Variants in WBP2NL observed in about 807,000 individuals in gnomAD.
WBP2NL encodes WBP2 N-terminal like.
A neutral mutation model predicts 23.3 loss-of-function variants in WBP2NL; 27 were observed. The ratio of observed to expected loss-of-function variants is 1.16; its 90% CI spans 0.85 to 1.60. The LOEUF is 1.60. WBP2NL is among the 40% of genes most tolerant of loss of function. WBP2NL has a pLI of 0.00. For missense variants in WBP2NL, 370 were observed against 389.5 expected, an observed-to-expected ratio of 0.95 and a Z score of 0.42; for synonymous variants, 151 against 145.9, an observed-to-expected ratio of 1.03 and a Z score of -0.25.
chr22:42,037,052 GTT>G (rs1925207492), downstream of WBP2NL, among the ~76,000 whole-genome samples: 1 of 151,768 alleles, frequency 6.6e-6, no homozygotes, highest in African/African-American at 2.4e-5. Context: ...GAATTTTGCA[GTT>G]TCAAGTTTTA....
At chr22:42,018,232 C>T (rs1569449137) in intron 1 of WBP2NL, among the ~76,000 whole-genome samples, 1 of 147,958 alleles carries the variant, frequency 6.8e-6, no homozygotes, top group East Asian at 2.0e-4. Flanking sequence ...GGAGGATCAC[C>T]TGAGCCCAGG....
intron 5 of WBP2NL, 58 bp from the exon 6 acceptor site, chr22:42,026,708 T>A: frequency 1.3e-6 from 2 of 1,562,518 alleles, no homozygotes; most frequent in Non-Finnish European, 1.7e-6. Context: ...TTCTTCCTTC[T>A]CACATATTCC....
chr22:42,027,048 A>G lies in WBP2NL; in HGVS notation c.797A>G (p.Asn266Ser), dbSNP rs150274468. 324 of 1,614,142 alleles carry G rather than the reference A, an allele frequency of 2.0e-4. No individual in the cohort carries two copies. The East Asian group carries it at 2.1e-3, about 10-fold the overall frequency. The stretch of plus-strand genomic sequence containing the variant: ...GGATATGGAGCCCCACCTGCAGGAA[A>G]TGAAGGCCCGCCTGCGGGATACAGA... Reference protein sequence around the residue: ...PLGYGAPPAGNEGPPAGYRAS... With the variant: ...PLGYGAPPAGSEGPPAGYRAS... Residue 266 changes from asparagine to serine, a missense_variant, in exon 6 of 6, where the codon AAT becomes AGT. By Grantham distance (46) the Asn-to-Ser change is conservative. Coordinates refer to ENST00000328823, the MANE Select transcript of WBP2NL (RefSeq NM_152613.3).
Position 41,998,876 on chromosome 22 carries a change from G to A in WBP2NL, c.58G>A (p.Glu20Lys). 6.2e-7 allele frequency: 1 copy of A among 1,611,034 alleles called. No individual in the cohort carries two copies. Among genetic ancestry groups the A allele is most frequent in the Non-Finnish European group, 8.5e-7 (1 of 1,177,968 alleles). ...NRRGALIPNG[E>K]SLLKRSPNVE... ...CCGCGGAGCCCTCATCCCTAACGGT[G>A]AAAGGTGCCTGAGGGGAAGCACGGC... The change falls in exon 1 of 6, where the codon GAA becomes AAA. Residue 20 changes from glutamate to lysine, a missense_variant. Glu to Lys is a moderately conservative substitution (Grantham distance 56). Coordinates refer to ENST00000328823, the MANE Select transcript of WBP2NL (RefSeq NM_152613.3).
At chr22:42,046,351 T>C (rs1925587020) in intron 8 of WBP2NL, among the ~76,000 whole-genome samples, 1 of 152,174 alleles carries the variant, frequency 6.6e-6, no homozygotes, top group Non-Finnish European at 1.5e-5. Context: ...CCACAGAAAG[T>C]GGTAATTATC....
At chr22:42,056,097 T>C (rs1355022948) in intron 8 of WBP2NL, among the ~76,000 whole-genome samples, 1 of 152,254 alleles carries the variant, frequency 6.6e-6, no homozygotes, top group Non-Finnish European at 1.5e-5. Flanking sequence ...TCTCTTTTGT[T>C]CCACATTTCT....
intron 4 of WBP2NL, among the ~76,000 whole-genome samples, chr22:42,020,807 G>T (rs1457214450): frequency 7.6e-6 from 1 of 130,934 alleles, no homozygotes; most frequent in Non-Finnish European, 1.6e-5. Context: ...ATGTACCACA[G>T]AACTCTTTCA....
chr22:42,019,980 A>T (rs1923730345), intron 3 of WBP2NL, 24 bp from the exon 4 acceptor site: 1 of 1,609,180 alleles, frequency 6.2e-7, no homozygotes, highest in African/African-American at 1.3e-5. Flanking sequence ...TTTCTTGGTG[A>T]GTGTGTGCCA....
intron 2 of WBP2NL, 110 bp from the exon 3 acceptor site, chr22:42,019,552 G>A (rs1923686148): frequency 1.3e-6 from 2 of 1,535,206 alleles, no homozygotes; most frequent in Non-Finnish European, 1.8e-6. Context: ...GAAGGGTGGT[G>A]GAAGAAAAGA....
At chr22:42,001,031 C>A in intron 1 of WBP2NL, 1 of 696,734 alleles carries the variant, frequency 1.4e-6, no homozygotes, top group Non-Finnish European at 2.5e-6. Context: ...TATAATACAA[C>A]ATGCCTGTTC....
At chr22:42,034,563 A>T (rs898760823), downstream of WBP2NL, among the ~76,000 whole-genome samples, 2 of 152,232 alleles carry the variant, frequency 1.3e-5, no homozygotes, top group Non-Finnish European at 2.9e-5. Flanking sequence ...CATTGATAAC[A>T]TCTTATCAGG....
At chr22:42,033,583 G>A (rs1314340261), downstream of WBP2NL, among the ~76,000 whole-genome samples, 1 of 152,156 alleles carries the variant, frequency 6.6e-6, no homozygotes, top group East Asian at 1.9e-4. Flanking sequence ...GAGCTATTGA[G>A]TGACAATAGC....
chr22:42,009,774 A>G (rs888383029), intron 1 of WBP2NL, among the ~76,000 whole-genome samples: 11 of 152,282 alleles, frequency 7.2e-5, no homozygotes, highest in Non-Finnish European at 1.5e-4. Context: ...CTTTTTAAAA[A>G]TTATTTGGCT....
chr22:42,004,684 G>C (rs1922039587), intron 1 of WBP2NL, among the ~76,000 whole-genome samples: 1 of 152,192 alleles, frequency 6.6e-6, no homozygotes, highest in Non-Finnish European at 1.5e-5. Flanking sequence ...AGCACTTTGG[G>C]AGGCCAAAGT....
intron 8 of WBP2NL, among the ~76,000 whole-genome samples, chr22:42,042,295 A>G (rs752418316): frequency 8.1e-4 from 123 of 152,288 alleles, no homozygotes; most frequent in Non-Finnish European, 1.0e-3. Context: ...CATAATGTGT[A>G]TATTAGTTCA....
intron 8 of WBP2NL, among the ~76,000 whole-genome samples, chr22:42,048,157 C>T (rs563578973): frequency 1.5e-4 from 23 of 151,768 alleles, no homozygotes; most frequent in Middle Eastern, 3.4e-3. Context: ...TGCGGTGGCT[C>T]ACACCTGTAA....
At chr22:42,009,825 C>T (rs533911289) in intron 1 of WBP2NL, among the ~76,000 whole-genome samples, 42 of 152,200 alleles carry the variant, frequency 2.8e-4, no homozygotes, top group Non-Finnish European at 1.0e-4. Context: ...TTTATGATGT[C>T]GCTTTCTGTT....
At chr22:42,039,272 C>A (rs1285821667) in intron 8 of WBP2NL, among the ~76,000 whole-genome samples, 2 of 151,798 alleles carry the variant, frequency 1.3e-5, no homozygotes, top group Non-Finnish European at 2.9e-5. Flanking sequence ...GACAGGGTTT[C>A]ACCATGTTGG....
At chr22:42,051,479 G>C (rs1925836077) in intron 8 of WBP2NL, among the ~76,000 whole-genome samples, 1 of 152,216 alleles carries the variant, frequency 6.6e-6, no homozygotes, top group Non-Finnish European at 1.5e-5. Flanking sequence ...CATAAAGAGT[G>C]AACCCTAATG....
Sources: allele counts gnomAD v4.1 joint callset (sites outside exome capture counted in the v4.1 genomes callset), GRCh38; gene constraint gnomAD v4.1.1; transcripts MANE v1.5; gene names NCBI Gene and HGNC (gene_info 2026-07-23, HGNC 2026-07-21).